Variants in KLK1 observed in about 807,000 individuals in gnomAD.
KLK1 encodes the protein kallikrein 1.
A neutral mutation model predicts 23.3 loss-of-function variants in KLK1; 22 were observed. The ratio of observed to expected loss-of-function variants is 0.95; its 90% CI spans 0.68 to 1.35. The LOEUF (loss-of-function observed/expected upper bound fraction) is 1.35, where lower values mean the gene tolerates loss of function less well. Ranked by LOEUF, KLK1 falls within the 40% of genes most tolerant of loss-of-function variation. The probability of loss-of-function intolerance (pLI) is 0.00; values close to 1 mark genes in which losing one functional copy is unlikely to be tolerated. For missense variants in KLK1, 301 were observed against 338.9 expected, an observed-to-expected ratio of 0.89 and a Z score of 0.88; for synonymous variants, 140 against 135.8, an observed-to-expected ratio of 1.03 and a Z score of -0.21.
intron 1 of KLK1, chr19:50,822,679 C>T: frequency 1.0e-6 from 1 of 985,326 alleles, no homozygotes; most frequent in Non-Finnish European, 1.2e-6. Flanking sequence ...GGCAGTCCTT[C>T]TCGGACAGGG....
intron 4 of KLK1, 21 bp downstream of exon 4, chr19:50,819,878 C>CT: frequency 6.2e-7 from 1 of 1,612,578 alleles, no homozygotes; most frequent in Non-Finnish European, 8.5e-7. Context: ...CTTCCAGACC[C>CT]TGGGGGCAGG....
chr19:50,819,478 A>G (rs1317778210), intron 4 of KLK1, 129 bp from the exon 5 acceptor site: 47 of 906,546 alleles, frequency 5.2e-5, no homozygotes, highest in Non-Finnish European at 7.7e-5. Context: ...GGATTCCCAC[A>G]GAGGGGACAG....
In KLK1 at chr19:50,819,945, A is replaced by C; in HGVS notation, c.587T>G (p.Phe196Cys). 1.2e-6 allele frequency: 2 copies of C among 1,614,172 alleles called. No individual in the cohort carries two copies. Among genetic ancestry groups the C allele is most frequent in the Non-Finnish European group, 1.7e-6 (2 of 1,180,016 alleles). The change falls in exon 4 of 5, where the codon TTC (phenylalanine) becomes TGC (cysteine). Residue 196 changes from phenylalanine to cysteine, a missense_variant. Phe to Cys is a radical substitution (Grantham distance 205). Coordinates refer to ENST00000301420, the MANE Select transcript of KLK1 (RefSeq NM_002257.4). ...KKAHVQKVTD[F>C]MLCVGHLEGG... Reference sequence around the variant, plus strand: ...TTCCAGGTGTCCGACACACAGCATGAAGTCTGTCACCTTCTGGACGTGGGC... The same window carrying C: ...TTCCAGGTGTCCGACACACAGCATGCAGTCTGTCACCTTCTGGACGTGGGC...
rs2089829478 is a variant in KLK1 at position 50,821,738 on chromosome 19, C to T, written c.180G>A (p.Val60=). The change falls in exon 2 of 5, where the codon GTG becomes GTA. Residue 60 remains valine (V), a synonymous_variant. Coordinates refer to ENST00000301420, the MANE Select transcript of KLK1 (RefSeq NM_002257.4). The surrounding 1 kb of genome is among the most constrained non-coding windows in gnomAD (Gnocchi z 5.6). Reference sequence around the variant, plus strand: ...CGCTGATGCAATGAGCAGCTGTGAGCACCCACTGGCGGTGCACCAGGATGC... The same window carrying T: ...CGCTGATGCAATGAGCAGCTGTGAGTACCCACTGGCGGTGCACCAGGATGC... ...CGGILVHRQW[V]LTAAHCISDN... The T allele has an allele frequency of 1.2e-6, 2 of 1,613,258 alleles. No homozygotes were observed. The highest frequency in any genetic ancestry group is 1.3e-5 in the African/African-American group (1 of 75,034).
Position 50,820,428 on chromosome 19 carries a change from C to T in KLK1, c.222G>A (p.Trp74Ter). ...CGTCAAACAAGTTGTGGCGACCCAG[C>T]CAGAGCTGGTAATTGCTGGGGAAAG... ...AHCISDNYQL[W>*]LGRHNLFDDE... The change falls in exon 3 of 5, where the codon TGG becomes TGA. Residue 74 changes from tryptophan to a stop codon, truncating the protein, a stop_gained. Coordinates refer to ENST00000301420, the MANE Select transcript of KLK1 (RefSeq NM_002257.4). LOFTEE classifies it high-confidence loss of function. The T allele has an allele frequency of 6.2e-7, 1 of 1,605,022 alleles. No homozygotes were observed. Among genetic ancestry groups the T allele is most frequent in the Admixed American group, 1.7e-5 (1 of 58,746 alleles).
chr19:50,822,678 T>C, intron 1 of KLK1: 1 of 985,298 alleles, frequency 1.0e-6, no homozygotes, highest in Non-Finnish European at 1.2e-6. Context: ...TGGCAGTCCT[T>C]CTCGGACAGG....
Position 50,821,834 on chromosome 19 carries a change from G to A in KLK1, c.84C>T (p.Gly28=), listed in dbSNP as rs753653530. ...APPIQSRIVG[G]WECEQHSQPW... is the part of the protein sequence containing the mutation. ...GCTGGGAATGCTGCTCACACTCCCA[G>A]CCTCCCACAATCCGGGACTGAATCG... Residue 28 remains glycine (G), a synonymous_variant, in exon 2 of 5, where the codon GGC becomes GGT. Coordinates refer to ENST00000301420, the MANE Select transcript of KLK1 (RefSeq NM_002257.4). This position sits in a 1 kb window ranked among gnomAD's most constrained non-coding sequence, Gnocchi z 5.6. 1.1e-5 allele frequency: 17 copies of A among 1,613,424 alleles called. No individual in the cohort carries two copies. Among genetic ancestry groups the A allele is most frequent in the Middle Eastern group, 1.7e-4 (1 of 5,926 alleles).
chr19:50,822,290 G>C, intron 1 of KLK1: 1 of 995,602 alleles, frequency 1.0e-6, no homozygotes, highest in Middle Eastern at 5.1e-4. Flanking sequence ...GCTCACTGAG[G>C]AAGAATCTGG....
Position 50,821,924 on chromosome 19 carries a change from G to A in KLK1, c.47-53C>T. The stretch of plus-strand genomic sequence containing the variant: ...GGCAGGGTTGGCAGGAGAGGCCAGG[G>A]ACAAGGCTAGGAGAGGGAGCTGGGC... On this transcript the variant is annotated intron_variant, in intron 1 of 4. Transcript: ENST00000301420. The surrounding 1 kb of genome is among the most constrained non-coding windows in gnomAD (Gnocchi z 5.6). The A allele has an allele frequency of 6.4e-7, 1 of 1,566,916 alleles. No individual in the cohort carries two copies. The highest frequency in any genetic ancestry group is 8.7e-7 in the Non-Finnish European group (1 of 1,154,406).
At position 50,823,691 on chromosome 19, in the gene KLK1, C is replaced by T. The variant is rs1428745770; in HGVS notation, c.46+12G>A. On this transcript the variant is annotated intron_variant, in intron 1 of 4. Transcript: ENST00000301420. ...GGCCCGTTCCCCCTCCCACATCCCC[C>T]CACTGTCTCACCAGTCCCCCCCAGG... 2 of 1,581,290 alleles carry T rather than the reference C, an allele frequency of 1.3e-6. No individual in the cohort carries two copies. The highest frequency in any genetic ancestry group is 1.3e-5 in the African/African-American group (1 of 74,118).
rs997533594 is a variant in KLK1, at chr19:50,821,702, C to T, written c.206+10G>A. ...GATGCCCTCCTCCCAGACCCCAGGC[C>T]CCTACTCACTCGCTGATGCAATGAG... On this transcript the variant is annotated intron_variant, in intron 2 of 4. Coordinates refer to ENST00000301420, the MANE Select transcript of KLK1 (RefSeq NM_002257.4). This position sits in a 1 kb window ranked among gnomAD's most constrained non-coding sequence, Gnocchi z 5.6. 1.9e-6 allele frequency: 3 copies of T among 1,598,876 alleles called. No individual in the cohort carries two copies. In the African/African-American group the frequency reaches 4.0e-5, roughly 21 times the overall value.
chr19:50,819,897 A>C lies in KLK1; in HGVS notation c.633+2T>G, dbSNP rs2089811355. Reference sequence around the variant, plus strand: ...CAGACCCTGGGGGCAGGGCTGCCTCACCACACAGGTGTCTTTGCCACCTTC... The same window carrying C: ...CAGACCCTGGGGGCAGGGCTGCCTCCCCACACAGGTGTCTTTGCCACCTTC... On this transcript the variant is annotated splice_donor_variant, in intron 4 of 4. Transcript: ENST00000301420. LOFTEE classifies it high-confidence loss of function. 2 of 1,613,918 alleles carry C rather than the reference A, an allele frequency of 1.2e-6. No individual in the cohort carries two copies. The highest frequency in any genetic ancestry group is 3.3e-5 in the Admixed American group (2 of 59,988).
chr19:50,821,256 T>G lies in KLK1; in HGVS notation c.206+456A>C, dbSNP rs987173588. 3.9e-5 allele frequency among the ~76,000 whole-genome samples: 6 copies of G among 151,962 alleles called. No homozygotes were observed. The highest frequency in any genetic ancestry group is 1.5e-5 in the Non-Finnish European group (1 of 67,970). On this transcript the variant is annotated intron_variant, in intron 2 of 4. Coordinates refer to ENST00000301420, the MANE Select transcript of KLK1 (RefSeq NM_002257.4). The surrounding 1 kb of genome is among the most constrained non-coding windows in gnomAD (Gnocchi z 5.6). ...GGCGCCCCCTCCCAGGCACACAAGT[T>G]GGGGATAAAGCCCTTCCTTTACTCT... is the stretch of plus-strand genomic sequence containing the variant.
At chr19:50,819,404 T>G (rs1236612667) in intron 4 of KLK1, 55 bp from the exon 5 acceptor site, 2 of 1,535,580 alleles carry the variant, frequency 1.3e-6, no homozygotes, top group African/African-American at 2.7e-5. Flanking sequence ...GCCCAAGTTC[T>G]GCCTGGGGAG....
At chr19:50,822,137 G>T in intron 1 of KLK1, 2 of 1,199,388 alleles carry the variant, frequency 1.7e-6, no homozygotes, top group Non-Finnish European at 2.1e-6. Flanking sequence ...GGAGACAGGA[G>T]ACAGTGTCTG....
In KLK1 at chr19:50,821,847, C is replaced by T. The variant is rs560586506; in HGVS notation, c.71G>A (p.Arg24Gln). The part of the protein sequence containing the change: ...GTGAAPPIQS[R>Q]IVGGWECEQH... ...CTCACACTCCCAGCCTCCCACAATC[C>T]GGGACTGAATCGGGGGCGCAGCACC... Residue 24 changes from arginine (R) to glutamine (Q), a missense_variant, in exon 2 of 5, where the codon CGG (arginine) becomes CAG (glutamine). By Grantham distance (43) the Arg-to-Gln change is conservative. Coordinates refer to ENST00000301420, the MANE Select transcript of KLK1 (RefSeq NM_002257.4). This position sits in a 1 kb window ranked among gnomAD's most constrained non-coding sequence, Gnocchi z 5.6. 265 of 1,612,344 alleles carry T rather than the reference C, an allele frequency of 1.6e-4. No individual in the cohort carries two copies. Among genetic ancestry groups the T allele is most frequent in the Middle Eastern group, 3.4e-4 (2 of 5,898 alleles).
chr19:50,819,490 G>C, intron 4 of KLK1, 141 bp from the exon 5 acceptor site: 2 of 827,004 alleles, frequency 2.4e-6, no homozygotes, highest in Non-Finnish European at 3.7e-6. Flanking sequence ...AGGGGACAGG[G>C]TCTCCAGTCC....
Position 50,821,826 on chromosome 19 carries a change from C to T in KLK1, c.92G>A (p.Cys31Tyr). 2 of 1,613,780 alleles carry T rather than the reference C, an allele frequency of 1.2e-6. No individual in the cohort carries two copies. Among genetic ancestry groups the T allele is most frequent in the African/African-American group, 1.3e-5 (1 of 75,044 alleles). Residue 31 changes from cysteine to tyrosine, a missense_variant, in exon 2 of 5, where the codon TGT becomes TAT. Coordinates refer to ENST00000301420, the MANE Select transcript of KLK1 (RefSeq NM_002257.4). The surrounding 1 kb of genome is among the most constrained non-coding windows in gnomAD (Gnocchi z 5.6). Reference protein sequence around the residue: ...IQSRIVGGWECEQHSQPWQAA... With the variant: ...IQSRIVGGWEYEQHSQPWQAA... Reference sequence around the variant, plus strand: ...CTGCCAGGGCTGGGAATGCTGCTCACACTCCCAGCCTCCCACAATCCGGGA... The same window carrying T: ...CTGCCAGGGCTGGGAATGCTGCTCATACTCCCAGCCTCCCACAATCCGGGA...
chr19:50,822,551 G>A (rs767514105), intron 1 of KLK1: 8 of 985,280 alleles, frequency 8.1e-6, no homozygotes, highest in Non-Finnish European at 9.6e-6. Flanking sequence ...GTGGGCTTCC[G>A]AGAGGTTTTG....
Sources: allele counts gnomAD v4.1 joint callset (sites outside exome capture counted in the v4.1 genomes callset), GRCh38; gene constraint gnomAD v4.1.1; non-coding constraint Gnocchi (gnomAD v3.1); transcripts MANE v1.5; gene names NCBI Gene and HGNC (gene_info 2026-07-23, HGNC 2026-07-21).